The following CDK14 variants were observed in gnomAD, a reference collection of about 807,000 sequenced individuals.
CDK14 encodes the protein cyclin dependent kinase 14.
In CDK14, 34 loss-of-function variants were observed where a neutral mutation model predicts 60.7. The ratio of observed to expected loss-of-function variants is 0.56; its 90% CI spans 0.43 to 0.75. The LOEUF (loss-of-function observed/expected upper bound fraction) is 0.75, where lower values mean the gene tolerates loss of function less well. Ranked by LOEUF, CDK14 falls within the 30% of genes least tolerant of loss-of-function variation. The pLI is 0.00. For synonymous variants in CDK14, 197 were observed against 203.7 expected (o/e 0.97, Z 0.28); for missense variants, 482 against 564.1 (o/e 0.85, Z 1.47).
intron 5 of CDK14, among the ~76,000 whole-genome samples, chr7:90,847,737 CAGTTT>C (rs1284508092): frequency 2.0e-5 from 3 of 152,226 alleles, no homozygotes; most frequent in East Asian, 3.9e-4. Context: ...CAATAAATGA[CAGTTT>C]AGGTTATTTC....
At chr7:90,974,498 A>C (rs968295348) in intron 9 of CDK14, among the ~76,000 whole-genome samples, 1 of 152,190 alleles carries the variant, frequency 6.6e-6, no homozygotes, top group Non-Finnish European at 1.5e-5. Context: ...GGCTTCAGCC[A>C]GTCCCTCTGT....
intron 10 of CDK14, among the ~76,000 whole-genome samples, chr7:91,040,289 C>T (rs918420547): frequency 1.3e-5 from 2 of 152,088 alleles, no homozygotes; most frequent in African/African-American, 4.8e-5. Flanking sequence ...TTAGGCGGTT[C>T]TGCTTTCTCT....
intron 10 of CDK14, among the ~76,000 whole-genome samples, chr7:91,017,027 G>A (rs1281166932): frequency 6.6e-6 from 1 of 152,128 alleles, no homozygotes; most frequent in Non-Finnish European, 1.5e-5. Context: ...TTTTTTGACT[G>A]TTCTTGAGCC....
chr7:90,829,114 A>G (rs1158850684), intron 5 of CDK14, among the ~76,000 whole-genome samples: 2 of 152,148 alleles, frequency 1.3e-5, no homozygotes, highest in Non-Finnish European at 2.9e-5. Context: ...TTCATTCACT[A>G]TCATGAGCAC....
intron 14 of CDK14, among the ~76,000 whole-genome samples, chr7:91,141,135 A>G (rs1800444671): frequency 6.6e-6 from 1 of 152,216 alleles, no homozygotes; most frequent in Non-Finnish European, 1.5e-5. Flanking sequence ...GGGGATGGCA[A>G]GAATTTCCAC....
intron 10 of CDK14, among the ~76,000 whole-genome samples, chr7:91,037,440 T>C (rs948698037): frequency 6.6e-6 from 1 of 152,204 alleles, no homozygotes; most frequent in Non-Finnish European, 1.5e-5. Context: ...CATGTGTGTG[T>C]TGAATGTGAG....
chr7:90,687,027 C>T (rs1268666403), intron 2 of CDK14, among the ~76,000 whole-genome samples: 1 of 151,956 alleles, frequency 6.6e-6, no homozygotes, highest in Non-Finnish European at 1.5e-5. Context: ...TATGTGAATA[C>T]ATGATCTAGT....
intron 6 of CDK14, among the ~76,000 whole-genome samples, chr7:90,893,145 C>G (rs1162412790): frequency 6.6e-6 from 1 of 152,102 alleles, no homozygotes; most frequent in Non-Finnish European, 1.5e-5. Context: ...TCAAGCCACA[C>G]TTGATAGCTT....
chr7:91,056,260 A>G (rs1344298266), intron 11 of CDK14, among the ~76,000 whole-genome samples: 3 of 152,134 alleles, frequency 2.0e-5, no homozygotes, highest in East Asian at 1.9e-4. Flanking sequence ...GGGATTCCAC[A>G]CCACTATGAG....
At chr7:90,973,257 A>G (rs1466968334) in intron 9 of CDK14, among the ~76,000 whole-genome samples, 3 of 152,152 alleles carry the variant, frequency 2.0e-5, no homozygotes, top group Non-Finnish European at 4.4e-5. Context: ...TTAGGAAATT[A>G]TGTATAATAA....
In CDK14 at chr7:90,863,248, G is replaced by A; in HGVS notation, c.618G>A (p.Leu206=). ...ACATCATCCATACCAAGGAGACGCT[G>A]ACACTTGTGTTTGAATATGTGGTAA... The part of the protein sequence containing the change: ...LHDIIHTKET[L]TLVFEYVHTD... Residue 206 remains leucine, a synonymous_variant, in exon 6 of 15, where the codon CTG becomes CTA. Coordinates refer to ENST00000380050, the MANE Select transcript of CDK14 (RefSeq NM_001287135.2). 1.3e-6 allele frequency: 2 copies of A among 1,596,668 alleles called. No homozygotes were observed.
chr7:91,024,111 A>AATGATGATG (rs59410115), intron 10 of CDK14, among the ~76,000 whole-genome samples: 123 of 149,384 alleles, frequency 8.2e-4, no homozygotes, highest in Admixed American at 1.5e-3. Context: ...ACCCATCCAA[A>AATGATGATG]ATGATGATGA....
intron 3 of CDK14, 53 bp from the exon 4 acceptor site, chr7:90,747,628 T>G: frequency 9.8e-7 from 1 of 1,017,940 alleles, no homozygotes; most frequent in Non-Finnish European, 1.5e-6. Context: ...AGGGTATTTG[T>G]TGTTAATTAA....
intron 5 of CDK14, among the ~76,000 whole-genome samples, chr7:90,804,404 A>G (rs1292209333): frequency 6.6e-6 from 1 of 152,184 alleles, no homozygotes; most frequent in Non-Finnish European, 1.5e-5. Context: ...GGGTTAAAAT[A>G]TTTTTTAAAC....
chr7:90,721,309 C>A (rs991160741), intron 2 of CDK14, among the ~76,000 whole-genome samples: 8 of 152,154 alleles, frequency 5.3e-5, no homozygotes, highest in Admixed American at 2.0e-4. Context: ...TTAAAATCAA[C>A]CATATTGTAT....
intron 12 of CDK14, 61 bp downstream of exon 12, chr7:91,079,541 TCTC>T: frequency 8.5e-7 from 1 of 1,173,828 alleles, no homozygotes; most frequent in Non-Finnish European, 1.3e-6. Flanking sequence ...TTACAACTCT[TCTC>T]ATACGTTTTT....
At chr7:90,644,143 T>C (rs557640568) in intron 2 of CDK14, among the ~76,000 whole-genome samples, 7 of 152,180 alleles carry the variant, frequency 4.6e-5, no homozygotes, top group Non-Finnish European at 8.8e-5. Context: ...ATCTGCAAGC[T>C]AGGAAAAGGG....
intron 6 of CDK14, among the ~76,000 whole-genome samples, chr7:90,872,998 T>C (rs1562806995): frequency 1.3e-5 from 2 of 152,148 alleles, no homozygotes; most frequent in African/African-American, 4.8e-5. Context: ...AAAACAGTAA[T>C]AAAAAGATAA....
At chr7:90,908,882 T>TTTTAACTTTGTTA (rs1792801240) in intron 7 of CDK14, among the ~76,000 whole-genome samples, 1 of 152,192 alleles carries the variant, frequency 6.6e-6, no homozygotes, top group Non-Finnish European at 1.5e-5. Context: ...TTTTTGTGAT[T>TTTTAACTTTGTTA]TACTCCAAGG....
Sources: gnomAD v4.1 joint callset for allele counts (sites outside exome capture counted in the v4.1 genomes callset) on GRCh38, gnomAD v4.1.1 for gene constraint, MANE v1.5 for transcripts, NCBI Gene and HGNC (gene_info 2026-07-23, HGNC 2026-07-21) for gene names.